Variants in CPNE1 observed in about 807,000 individuals in gnomAD.
CPNE1 encodes the protein copine 1.
CPNE1 carries 58 observed loss-of-function variants against 63.2 expected under a neutral mutation model. That is an observed-to-expected ratio of 0.92 (90% CI 0.74 to 1.14). CPNE1 has a LOEUF of 1.14. Ranked by LOEUF, CPNE1 falls within the 50% of genes most tolerant of loss-of-function variation. CPNE1 has a pLI of 0.00. For synonymous variants in CPNE1, 237 were observed against 249.0 expected (o/e 0.95, Z 0.45); for missense variants, 672 against 661.7 (o/e 1.02, Z -0.17).
intron 1 of CPNE1, among the ~76,000 whole-genome samples, chr20:35,644,390 C>T (rs1372226210): frequency 6.6e-6 from 1 of 152,136 alleles, no homozygotes; most frequent in Non-Finnish European, 1.5e-5. Context: ...GAATCACTAC[C>T]ACACTAGGGA....
At chr20:35,652,040 T>A (rs1416880728) in intron 1 of CPNE1, 1 of 153,414 alleles carries the variant, frequency 6.5e-6, no homozygotes, top group Non-Finnish European at 1.5e-5. Flanking sequence ...ACAGAAATTT[T>A]ATTCAATTTT....
chr20:35,641,371 C>A (rs1209300823), intron 1 of CPNE1, among the ~76,000 whole-genome samples: 4 of 152,142 alleles, frequency 2.6e-5, no homozygotes, highest in Non-Finnish European at 5.9e-5. Context: ...TTGTTGCAAT[C>A]TGATGCAGTG....
chr20:35,643,951 G>C (rs1406241952), intron 1 of CPNE1, among the ~76,000 whole-genome samples: 1 of 152,146 alleles, frequency 6.6e-6, no homozygotes, highest in Non-Finnish European at 1.5e-5. Context: ...GCTGGGGATA[G>C]TTGAGGGAGG....
At position 35,632,638 on chromosome 20, in the gene CPNE1, T is replaced by C; in HGVS notation, c.188A>G (p.Gln63Arg). 1 of 1,494,760 alleles carries C rather than the reference T, an allele frequency of 6.7e-7. No homozygotes were observed. Among genetic ancestry groups the C allele is most frequent in the Non-Finnish European group, 9.3e-7 (1 of 1,071,254 alleles). The allele number at this position is 1,494,760 out of a possible 1,614,324, so 92.6% of individuals were successfully genotyped here. A position where few individuals can be genotyped will look rare whatever the true frequency, so the allele number is the denominator to read the frequency against. ...GACTGTCTCAAAGCGGTACTCAAGC[T>C]GTAGAGTCTTGGAGAACTCAGGGCT... ...CSSPEFSKTL[Q>R]LEYRFETVQK... The change falls in exon 3 of 16, where the codon CAG (glutamine) becomes CGG (arginine). Residue 63 changes from glutamine to arginine, a missense_variant. By Grantham distance (43) the Gln-to-Arg change is conservative. Transcript: ENST00000397443.
chr20:35,655,032 T>C lies in CPNE1; in HGVS notation c.-1+9728A>G, dbSNP rs201065667. On this transcript the variant is annotated intron_variant, in intron 1 of 15. Transcript: ENST00000397443. ...CTGATCTACTGGCATTTGCTGGTGG[T>C]ATATCTAAGTTGGCAGTTTCAAAAC... 15 of 1,614,154 alleles carry C rather than the reference T, an allele frequency of 9.3e-6. No homozygotes were observed. In the African/African-American group the frequency reaches 2.0e-4, roughly 22 times the overall value.
At chr20:35,639,830 GCTA>G (rs1355354442) in intron 1 of CPNE1, among the ~76,000 whole-genome samples, 2 of 152,216 alleles carry the variant, frequency 1.3e-5, no homozygotes, top group East Asian at 3.8e-4. Context: ...CGTGTAGTGG[GCTA>G]CTATTATCAT....
intron 13 of CPNE1, among the ~76,000 whole-genome samples, chr20:35,629,529 A>G (rs1225236923): frequency 6.6e-6 from 1 of 152,114 alleles, no homozygotes. Context: ...TTCGGAGAAC[A>G]CTTAGTAAGT....
chr20:35,652,344 A>G, intron 1 of CPNE1: 1 of 663,576 alleles, frequency 1.5e-6, no homozygotes, highest in Non-Finnish European at 2.5e-6. Flanking sequence ...ACATACAGCA[A>G]TGTTTATCCT....
At chr20:35,643,951 G>A (rs1406241952) in intron 1 of CPNE1, among the ~76,000 whole-genome samples, 1 of 152,146 alleles carries the variant, frequency 6.6e-6, no homozygotes, top group Non-Finnish European at 1.5e-5. Flanking sequence ...GCTGGGGATA[G>A]TTGAGGGAGG....
At chr20:35,646,358 TTGATATGAAGCACAAACTC>T (rs1360195493) in intron 1 of CPNE1, among the ~76,000 whole-genome samples, 10 of 150,812 alleles carry the variant, frequency 6.6e-5, no homozygotes, top group Non-Finnish European at 1.5e-5. Context: ...TTGTTATCAT[TTGATATGAAGCACAAACTC>T]TAAGTGACAA....
rs974899564 is a variant in CPNE1, at chr20:35,631,743, C to T, written c.572G>A (p.Arg191His). The change falls in exon 7 of 16, where the codon CGT (arginine) becomes CAT (histidine). Residue 191 changes from arginine to histidine, a missense_variant. By Grantham distance (29) the Arg-to-His change is conservative. Coordinates refer to ENST00000397443, the MANE Select transcript of CPNE1 (RefSeq NM_152925.3). Reference sequence around the variant, plus strand: ...GAAATGCTGAACGGGGACTGAGAAACGCTTCCATGTAGGGTTCAGGTTGTT... The same window carrying T: ...GAAATGCTGAACGGGGACTGAGAAATGCTTCCATGTAGGGTTCAGGTTGTT... ...IKNNLNPTWK[R>H]FSVPVQHFCG... The T allele has an allele frequency of 1.9e-5, 31 of 1,613,902 alleles. No individual in the cohort carries two copies. Among genetic ancestry groups the T allele is most frequent in the African/African-American group, 4.0e-5 (3 of 74,844 alleles).
chr20:35,636,687 C>T (rs2032503825), intron 1 of CPNE1, among the ~76,000 whole-genome samples: 4 of 152,214 alleles, frequency 2.6e-5, no homozygotes, highest in South Asian at 2.1e-4. Context: ...GTCCCAGCTA[C>T]TCGGGAGCCA....
intron 9 of CPNE1, 33 bp from the exon 10 acceptor site, chr20:35,631,206 A>G (rs2032111341): frequency 1.2e-6 from 2 of 1,613,864 alleles, no homozygotes; most frequent in African/African-American, 2.7e-5. Flanking sequence ...GCCTGGGGTG[A>G]TAGCAGTTGG....
intron 13 of CPNE1, 36 bp downstream of exon 13, chr20:35,630,402 TG>T: frequency 6.3e-7 from 1 of 1,591,120 alleles, no homozygotes; most frequent in Non-Finnish European, 8.6e-7. Context: ...CCTCTTTGTG[TG>T]GACAGACCTG....
chr20:35,663,127 G>C (rs2034326809), intron 1 of CPNE1, among the ~76,000 whole-genome samples: 1 of 152,096 alleles, frequency 6.6e-6, no homozygotes, highest in Non-Finnish European at 1.5e-5. Context: ...ACCTGTAACA[G>C]TTCTTCCCAA....
chr20:35,655,279 C>G, intron 1 of CPNE1: 1 of 1,612,442 alleles, frequency 6.2e-7, no homozygotes, highest in Non-Finnish European at 8.5e-7. Context: ...GTCCATGGTC[C>G]CCGCCACAAT....
chr20:35,651,036 G>A (rs1420381380), intron 1 of CPNE1: 1 of 152,274 alleles, frequency 6.6e-6, no homozygotes, highest in African/African-American at 2.4e-5. Context: ...CATTGACTAG[G>A]GAAAGTAACC....
intron 1 of CPNE1, chr20:35,654,363 G>A: frequency 6.2e-7 from 1 of 1,614,162 alleles, no homozygotes; most frequent in Non-Finnish European, 8.5e-7. Context: ...AAAAATCTCT[G>A]ACATCATTTT....
intron 1 of CPNE1, among the ~76,000 whole-genome samples, chr20:35,647,963 GC>G (rs980534823): frequency 8.6e-5 from 13 of 151,698 alleles, no homozygotes; most frequent in African/African-American, 3.2e-4. Context: ...CTACTGAGAG[GC>G]TGAGGCAGGA....
Sources: allele counts gnomAD v4.1 joint callset (sites outside exome capture counted in the v4.1 genomes callset), GRCh38; gene constraint gnomAD v4.1.1; transcripts MANE v1.5; gene names NCBI Gene and HGNC (gene_info 2026-07-23, HGNC 2026-07-21).